The following CAPN14 variants were observed in gnomAD, a reference collection of about 807,000 sequenced individuals.
CAPN14 encodes the protein calpain 14.
A neutral mutation model predicts 101.3 loss-of-function variants in CAPN14; 94 were observed. The observed-to-expected ratio is 0.93, with a 90% CI of 0.79 to 1.10. CAPN14 has a LOEUF of 1.10. Ranked by LOEUF, CAPN14 falls within the 50% of genes least tolerant of loss-of-function variation. The probability of loss-of-function intolerance (pLI) is 0.00; values close to 1 mark genes in which losing one functional copy is unlikely to be tolerated. For synonymous variants in CAPN14, 338 were observed against 317.9 expected (o/e 1.06, Z -0.67); for missense variants, 837 against 828.4 (o/e 1.01, Z -0.13).
chr2:31,194,546 C>G, intron 8 of CAPN14, 63 bp from the exon 9 acceptor site: 3 of 1,047,598 alleles, frequency 2.9e-6, no homozygotes, highest in Middle Eastern at 2.0e-4. Context: ...TTAGTAAAGG[C>G]TCTATAGTGT....
At chr2:31,192,960 A>G (rs6543614) in intron 10 of CAPN14, among the ~76,000 whole-genome samples, 171 bp downstream of exon 10, 109,944 of 151,280 alleles carry the variant, frequency 0.73, 40,237 homozygotes, top group East Asian at 0.97. Context: ...GTCCAAAGGT[A>G]CCCCATCTTC....
rs142326235 is a variant in CAPN14, at chr2:31,178,504, T to C, written c.1779+7A>G. The C allele has an allele frequency of 1.3e-6, 2 of 1,550,008 alleles. No individual in the cohort carries two copies. The highest frequency in any genetic ancestry group is 1.4e-5 in the African/African-American group (1 of 73,122). On this transcript the variant is annotated splice_region_variant and intron_variant, in intron 18 of 21. Coordinates refer to ENST00000403897, the MANE Select transcript of CAPN14 (RefSeq NM_001145122.2). ...TCCAAAGAGGTGTGGTTAAGACTTG[T>C]TCTTACCTGAGAGAGCTTCAGCTGC...
chr2:31,202,115 G>T lies in CAPN14; in HGVS notation c.414+19C>A, dbSNP rs1280884132. ...TTCCTATGACTCCCTCTGGGCTGAG[G>T]ACCCGGGAAGACACTCACCCAGAAC... is the stretch of plus-strand genomic sequence containing the variant. On this transcript the variant is annotated intron_variant, in intron 4 of 21. Coordinates refer to ENST00000403897, the MANE Select transcript of CAPN14 (RefSeq NM_001145122.2). 1 of 1,550,370 alleles carries T rather than the reference G, an allele frequency of 6.5e-7. No individual in the cohort carries two copies. Among genetic ancestry groups the T allele is most frequent in the East Asian group, 2.4e-5 (1 of 40,904 alleles).
chr2:31,231,093 CTT>C (rs1429648913), intron 1 of CAPN14, among the ~76,000 whole-genome samples: 1 of 152,092 alleles, frequency 6.6e-6, no homozygotes, highest in Non-Finnish European at 1.5e-5. Flanking sequence ...CTGTTGTCCT[CTT>C]CTCTTCTCTG....
rs1462736310 is a variant in CAPN14 at position 31,176,619 on chromosome 2, C to T, written c.1996G>A (p.Asp666Asn). 21 of 1,551,582 alleles carry T rather than the reference C, an allele frequency of 1.4e-5. No homozygotes were observed. Among genetic ancestry groups the T allele is most frequent in the Non-Finnish European group, 1.8e-5 (21 of 1,146,976 alleles). ...MEDVFQNLTQ[D>N]GKGIYLQKPE... ...TTCTGGAGGTATATCCCTTTGCCATCTTGGGTTAAGTTTTGGAAGACATCT... is the reference window on the plus strand; with the variant it reads ...TTCTGGAGGTATATCCCTTTGCCATTTTGGGTTAAGTTTTGGAAGACATCT... Residue 666 changes from aspartate (D) to asparagine (N), a missense_variant, in exon 21 of 22, where the codon GAT (aspartate) becomes AAT (asparagine). Transcript: ENST00000403897.
chr2:31,188,292 A>G lies in CAPN14; in HGVS notation c.1530+26T>C, dbSNP rs545608622. ...CCTGGCTTGGAAAGCAGTCCCAGCCATATGGAATTCCACCAGACTACTCAC... is the reference window on the plus strand; with the variant it reads ...CCTGGCTTGGAAAGCAGTCCCAGCCGTATGGAATTCCACCAGACTACTCAC... On this transcript the variant is annotated intron_variant, in intron 14 of 21. Coordinates refer to ENST00000403897, the MANE Select transcript of CAPN14 (RefSeq NM_001145122.2). 6.5e-6 allele frequency: 10 copies of G among 1,548,874 alleles called. No individual in the cohort carries two copies. In the East Asian group the frequency reaches 1.2e-4, roughly 19 times the overall value.
In CAPN14 at chr2:31,200,556, C is replaced by T; in HGVS notation, c.621G>A (p.Gly207=). ...CTGCCAGGTTGATGGTCATTGTCAC[C>T]CCTCCAGTGAAGTCTACAAGGGCTT... ...VSEALVDFTG[G]VTMTINLAEA... Residue 207 remains glycine (G), a synonymous_variant, in exon 6 of 22, where the codon GGG becomes GGA. Transcript: ENST00000403897. 1.3e-6 allele frequency: 2 copies of T among 1,551,662 alleles called. No homozygotes were observed. The highest frequency in any genetic ancestry group is 2.4e-5 in the South Asian group (2 of 84,064).
Position 31,174,172 on chromosome 2 carries a change from G to C in CAPN14, c.*509C>G, listed in dbSNP as rs1399570885. 5.9e-6 allele frequency: 1 copy of C among 168,992 alleles called. No homozygotes were observed. Among genetic ancestry groups the C allele is most frequent in the East Asian group, 1.8e-4 (1 of 5,510 alleles). 10.5% of individuals were successfully genotyped at this position (168,992 alleles called of 1,614,324 possible). A position where few individuals can be genotyped will look rare whatever the true frequency, so the allele number is the denominator to read the frequency against. Reference sequence around the variant, plus strand: ...GTTTCTGAAAGCCCACTATATCCCTGACCCCATCCCCAAACAGCTGAAACT... The same window carrying C: ...GTTTCTGAAAGCCCACTATATCCCTCACCCCATCCCCAAACAGCTGAAACT... On this transcript the variant is annotated 3_prime_UTR_variant, in exon 22 of 22. Coordinates refer to ENST00000403897, the MANE Select transcript of CAPN14 (RefSeq NM_001145122.2).
At chr2:31,194,118 T>C (rs1426644256) in intron 9 of CAPN14, among the ~76,000 whole-genome samples, 1 of 152,024 alleles carries the variant, frequency 6.6e-6, no homozygotes, top group African/African-American at 2.4e-5. Flanking sequence ...AGGCAAAACC[T>C]GTTTTGAATA....
At chr2:31,232,298 T>G (rs965125473) in intron 1 of CAPN14, among the ~76,000 whole-genome samples, 1 of 152,170 alleles carries the variant, frequency 6.6e-6, no homozygotes, top group African/African-American at 2.4e-5. Flanking sequence ...CCTTATGTCC[T>G]CTTTTTTTTA....
At position 31,191,922 on chromosome 2, in the gene CAPN14, G is replaced by T; in HGVS notation, c.1278+13C>A. ...CTTGGTCCCATGCCCCTGTGGTTCA[G>T]AGGTCCACCTACCCTATACAGGTAG... On this transcript the variant is annotated intron_variant, in intron 11 of 21. Coordinates refer to ENST00000403897, the MANE Select transcript of CAPN14 (RefSeq NM_001145122.2). 6.5e-7 allele frequency: 1 copy of T among 1,537,564 alleles called. No homozygotes were observed.
At chr2:31,209,504 G>A (rs1418575637) in intron 1 of CAPN14, among the ~76,000 whole-genome samples, 1 of 152,100 alleles carries the variant, frequency 6.6e-6, no homozygotes, top group Admixed American at 6.6e-5. Flanking sequence ...CACCAGACAA[G>A]ACACCTGGGG....
At chr2:31,205,077 A>T (rs913379349) in intron 2 of CAPN14, 146 bp downstream of exon 2, 7 of 673,552 alleles carry the variant, frequency 1.0e-5, no homozygotes, top group Admixed American at 5.4e-5. Context: ...CCTCCTACAC[A>T]TCTGGTGTTA....
rs1395230217 is a variant in CAPN14 at position 31,176,621 on chromosome 2, T to C, written c.1994A>G (p.Gln665Arg). ...CTGGAGGTATATCCCTTTGCCATCT[T>C]GGGTTAAGTTTTGGAAGACATCTGT... ...NMEDVFQNLT[Q>R]DGKGIYLQKP... The change falls in exon 21 of 22, where the codon CAA (glutamine) becomes CGA (arginine). Residue 665 changes from glutamine to arginine, a missense_variant. Gln to Arg is a conservative substitution (Grantham distance 43, BLOSUM62 1). Transcript: ENST00000403897. The C allele has an allele frequency of 1.3e-6, 2 of 1,551,742 alleles. No individual in the cohort carries two copies. Among genetic ancestry groups the C allele is most frequent in the Non-Finnish European group, 1.7e-6 (2 of 1,146,976 alleles).
chr2:31,220,744 G>A (rs1424782696), upstream of CAPN14, among the ~76,000 whole-genome samples: 4 of 152,252 alleles, frequency 2.6e-5, no homozygotes, highest in South Asian at 4.2e-4. Context: ...TGGGAGAATC[G>A]CTTGAACCAG....
intron 21 of CAPN14, among the ~76,000 whole-genome samples, chr2:31,175,819 C>G (rs142674567): frequency 2.0e-5 from 3 of 152,172 alleles, no homozygotes; most frequent in Admixed American, 2.0e-4. Flanking sequence ...GGAAGGGTTG[C>G]AGAATAAAAG....
At chr2:31,227,507 C>CA (rs1455502149) in intron 1 of CAPN14, among the ~76,000 whole-genome samples, 1 of 152,200 alleles carries the variant, frequency 6.6e-6, no homozygotes, top group Non-Finnish European at 1.5e-5. Flanking sequence ...AGTACTCATT[C>CA]ATCCAAGGGG....
At chr2:31,205,953 C>T (rs1445406888) in intron 1 of CAPN14, among the ~76,000 whole-genome samples, 2 of 152,018 alleles carry the variant, frequency 1.3e-5, no homozygotes, top group Non-Finnish European at 2.9e-5. Flanking sequence ...GCTACAGACA[C>T]ACAGCATTCC....
At chr2:31,187,845 T>A in intron 14 of CAPN14, 31 bp from the exon 15 acceptor site, 4 of 1,521,554 alleles carry the variant, frequency 2.6e-6, no homozygotes, top group Non-Finnish European at 3.6e-6. Flanking sequence ...AAAGACACAA[T>A]TATTCACCTG....
Sources: gnomAD v4.1 joint callset for allele counts (sites outside exome capture counted in the v4.1 genomes callset) on GRCh38, gnomAD v4.1.1 for gene constraint, MANE v1.5 for transcripts, NCBI Gene and HGNC (gene_info 2026-07-23, HGNC 2026-07-21) for gene names.